Variants in MGAT5 observed in about 807,000 individuals in gnomAD.
MGAT5 encodes the protein alpha-1,6-mannosylglycoprotein 6-beta-N-acetylglucosaminyltransferase A.
A neutral mutation model predicts 94.3 loss-of-function variants in MGAT5; 30 were observed. That is an observed-to-expected ratio of 0.32 (90% CI 0.24 to 0.43). The LOEUF is 0.43. Ranked by LOEUF, MGAT5 falls within the 20% of genes least tolerant of loss-of-function variation. The probability of loss-of-function intolerance (pLI) is 1.00; values close to 1 mark genes in which losing one functional copy is unlikely to be tolerated. For synonymous variants in MGAT5, 310 were observed against 322.9 expected, an observed-to-expected ratio of 0.96 and a Z score of 0.43; for missense variants, 691 against 905.5, an observed-to-expected ratio of 0.76 and a Z score of 3.04.
chr2:134,355,408 A>G (rs1341420554), intron 9 of MGAT5, among the ~76,000 whole-genome samples: 1 of 152,150 alleles, frequency 6.6e-6, no homozygotes, highest in Non-Finnish European at 1.5e-5. Flanking sequence ...TCTACACGCA[A>G]GTGGCTAGTT....
At chr2:134,129,886 T>C (rs1686043585) in intron 1 of MGAT5, among the ~76,000 whole-genome samples, 1 of 152,124 alleles carries the variant, frequency 6.6e-6, no homozygotes, top group African/African-American at 2.4e-5. Context: ...TGGGAGCCCC[T>C]CTCTGGGCTG....
At chr2:134,174,805 A>G (rs1688381836) in intron 1 of MGAT5, among the ~76,000 whole-genome samples, 1 of 152,250 alleles carries the variant, frequency 6.6e-6, no homozygotes, top group Non-Finnish European at 1.5e-5. Flanking sequence ...AGCGTTGGGC[A>G]GAAATAGGCC....
intron 13 of MGAT5, among the ~76,000 whole-genome samples, chr2:134,427,142 C>G (rs1238890271): frequency 6.6e-6 from 1 of 152,096 alleles, no homozygotes; most frequent in Non-Finnish European, 1.5e-5. Flanking sequence ...GTTCATTGTC[C>G]CATTTTCAGC....
chr2:134,120,253 G>C (rs1335184854), exon 1 of MGAT5: 1 of 381,876 alleles, frequency 2.6e-6, no homozygotes, highest in Non-Finnish European at 4.6e-6. Context: ...CACGGCGGCC[G>C]GCGGGTGCTC....
At chr2:134,376,484 C>A (rs1681180322) in intron 10 of MGAT5, among the ~76,000 whole-genome samples, 2 of 152,190 alleles carry the variant, frequency 1.3e-5, no homozygotes, top group Admixed American at 1.3e-4. Flanking sequence ...GCAAATGAAT[C>A]ATTTAAACCA....
chr2:134,242,949 A>G (rs144126109), intron 1 of MGAT5, among the ~76,000 whole-genome samples: 163 of 151,992 alleles, frequency 1.1e-3, no homozygotes, highest in African/African-American at 3.7e-3. Context: ...GCATTGGCCT[A>G]AGACCAGTTT....
intron 2 of MGAT5, among the ~76,000 whole-genome samples, chr2:134,300,534 G>A (rs1685951164): frequency 6.6e-6 from 1 of 152,156 alleles, no homozygotes; most frequent in Admixed American, 6.5e-5. Flanking sequence ...GCAAATAGGA[G>A]ACACCTAAAT....
rs368067585 is a variant in MGAT5, at chr2:134,145,204, G to GTC, written c.-143+24923_-143+24924dup. ...TATAACCAAAGTAAGGTGTGTGTGT[G>GTC]TCTCTCTCTCTGTGTGTGTGTGTGT... On this transcript the variant is annotated intron_variant, in intron 1 of 16. Transcript: ENST00000409645. Among the ~76,000 whole-genome samples, 922 of 148,418 alleles carry GTC rather than the reference G, an allele frequency of 6.2e-3. 5 individuals carry two copies. The highest frequency in any genetic ancestry group is 8.2e-3 in the Non-Finnish European group (553 of 67,050).
chr2:134,177,493 G>T (rs979472899), intron 1 of MGAT5, among the ~76,000 whole-genome samples: 5 of 152,148 alleles, frequency 3.3e-5, no homozygotes, highest in African/African-American at 9.7e-5. Context: ...AGGGAAGCGA[G>T]GTCCAGCTGT....
At chr2:134,329,755 G>T (rs1250911370) in intron 4 of MGAT5, among the ~76,000 whole-genome samples, 1 of 151,938 alleles carries the variant, frequency 6.6e-6, no homozygotes, top group South Asian at 2.1e-4. Context: ...CTAGTACATC[G>T]CAACTTTTAT....
intron 1 of MGAT5, among the ~76,000 whole-genome samples, chr2:134,221,888 C>A (rs1421842681): frequency 6.6e-6 from 1 of 152,032 alleles, no homozygotes; most frequent in African/African-American, 2.4e-5. Context: ...GTCCTCAGTC[C>A]CCCACTCTTA....
At chr2:134,338,130 C>T (rs1688433560) in intron 5 of MGAT5, 129 bp from the exon 6 acceptor site, 1 of 762,510 alleles carries the variant, frequency 1.3e-6, no homozygotes, top group Non-Finnish European at 2.0e-6. Context: ...CTGCAGCAGA[C>T]AAGACTTACT....
intron 4 of MGAT5, among the ~76,000 whole-genome samples, chr2:134,326,855 AT>A (rs1446589426): frequency 6.6e-6 from 1 of 152,090 alleles, no homozygotes; most frequent in Non-Finnish European, 1.5e-5. Flanking sequence ...GTTGGACCAT[AT>A]TTGAAGAAAG....
chr2:134,156,122 G>A (rs540413869), intron 1 of MGAT5, among the ~76,000 whole-genome samples: 1 of 152,170 alleles, frequency 6.6e-6, no homozygotes, highest in East Asian at 1.9e-4. Context: ...CTCCCTAACT[G>A]TGAGATGAAT....
intron 10 of MGAT5, among the ~76,000 whole-genome samples, chr2:134,367,794 C>G (rs981004192): frequency 1.3e-5 from 2 of 152,340 alleles, no homozygotes; most frequent in African/African-American, 4.8e-5. Context: ...AGGCATTGAG[C>G]CTGGTACCTC....
chr2:134,385,281 C>T (rs1318001834), intron 10 of MGAT5, among the ~76,000 whole-genome samples: 2 of 152,190 alleles, frequency 1.3e-5, no homozygotes, highest in East Asian at 3.8e-4. Flanking sequence ...TCTTCATTCT[C>T]TGAGTCTATC....
chr2:134,223,050 C>T (rs915290718), intron 1 of MGAT5, among the ~76,000 whole-genome samples: 3 of 151,680 alleles, frequency 2.0e-5, no homozygotes, highest in Admixed American at 1.3e-4. Context: ...GTATTATAAC[C>T]AAGAGGCTTT....
rs574371184 is a variant in MGAT5, at chr2:134,215,828, G to A, written c.-142-38434G>A. 3.9e-5 allele frequency among the ~76,000 whole-genome samples: 6 copies of A among 152,330 alleles called. No individual in the cohort carries two copies. The South Asian group carries it at 1.2e-3, about 32-fold the overall frequency. On this transcript the variant is annotated intron_variant, in intron 1 of 16. Coordinates refer to the MGAT5 transcript ENST00000409645. ...GTATCAATATATAATTGTACCAGCAGTGCATGAGAGCTTCCTTCACTCACA... is the reference window on the plus strand; with the variant it reads ...GTATCAATATATAATTGTACCAGCAATGCATGAGAGCTTCCTTCACTCACA...
chr2:134,233,535 G>A lies in MGAT5; in HGVS notation c.-142-20727G>A, dbSNP rs929633998. Among the ~76,000 whole-genome samples, 7 of 152,202 alleles carry A rather than the reference G, an allele frequency of 4.6e-5. No homozygotes were observed. In the South Asian group the frequency reaches 1.4e-3, roughly 32 times the overall value. On this transcript the variant is annotated intron_variant, in intron 1 of 16. Transcript: ENST00000409645. ...CTTACATCCTTTGAGAAAAGGAACT[G>A]AAGGGAAGAAAGAAAACCACAACTG...
Sources: allele counts gnomAD v4.1 joint callset (sites outside exome capture counted in the v4.1 genomes callset), GRCh38; gene constraint gnomAD v4.1.1; transcripts MANE v1.5; gene names NCBI Gene and HGNC (gene_info 2026-07-23, HGNC 2026-07-21).